Variants in IL18RAP observed in about 807,000 individuals in gnomAD.
IL18RAP encodes interleukin-18 receptor accessory protein.
IL18RAP carries 37 observed loss-of-function variants against 58.1 expected under a neutral mutation model. That is an observed-to-expected ratio of 0.64 (90% confidence interval 0.49 to 0.84). IL18RAP has a LOEUF of 0.84. Among genes scored for constraint, IL18RAP ranks in the 40% least tolerant of loss-of-function variants. The pLI is 0.00. For missense variants in IL18RAP, 667 were observed against 704.8 expected, an observed-to-expected ratio of 0.95 and a Z score of 0.61; for synonymous variants, 268 against 257.5, an observed-to-expected ratio of 1.04 and a Z score of -0.39.
rs910901699 is a variant in IL18RAP, at chr2:102,443,247, G to A, written c.844G>A (p.Val282Ile). The A allele has an allele frequency of 6.8e-6, 11 of 1,613,726 alleles. No homozygotes were observed. Among genetic ancestry groups the A allele is most frequent in the Non-Finnish European group, 1.7e-6 (2 of 1,179,896 alleles). Reference sequence around the variant, plus strand: ...CAAAGCACGATTTGGCTTTGAAAGGGTCTTTAACCCTGTCATAAAATGGTA... The same window carrying A: ...CAAAGCACGATTTGGCTTTGAAAGGATCTTTAACCCTGTCATAAAATGGTA... Reference protein sequence around the residue: ...SCKARFGFERVFNPVIKWYIK... With the variant: ...SCKARFGFERIFNPVIKWYIK... The change falls in exon 6 of 10, where the codon GTC becomes ATC. Residue 282 changes from valine (V) to isoleucine (I), a missense_variant. Physicochemically the swap from Val to Ile is conservative, Grantham distance 29 (BLOSUM62 3). Coordinates refer to ENST00000687160, the MANE Select transcript of IL18RAP (RefSeq NM_001393487.1).
Position 102,423,332 on chromosome 2 carries a change from G to T in IL18RAP, c.55G>T (p.Gly19Ter). 1 of 1,613,978 alleles carries T rather than the reference G, an allele frequency of 6.2e-7. No individual in the cohort carries two copies. The highest frequency in any genetic ancestry group is 8.5e-7 in the Non-Finnish European group (1 of 1,179,852). Reference sequence around the variant, plus strand: ...GCTTGTTGCAGGAGAGCGAATTAAAGGATTTAATATTTCAGGTAGGGGTTT... The same window carrying T: ...GCTTGTTGCAGGAGAGCGAATTAAATGATTTAATATTTCAGGTAGGGGTTT... Reference protein sequence around the residue: ...LWLVAGERIKGFNISGCSTKK... With the variant: ...LWLVAGERIK Residue 19 changes from glycine to a stop codon, truncating the protein, a stop_gained, in exon 1 of 10, where the codon GGA (glycine) becomes TGA (stop). Coordinates refer to ENST00000687160, the MANE Select transcript of IL18RAP (RefSeq NM_001393487.1). LOFTEE classifies it high-confidence loss of function.
chr2:102,432,628 G>A (rs1220350318), intron 3 of IL18RAP, among the ~76,000 whole-genome samples: 2 of 152,124 alleles, frequency 1.3e-5, no homozygotes, highest in East Asian at 3.9e-4. Context: ...ATAGCCTTAG[G>A]CAGGGCATTG....
intron 3 of IL18RAP, among the ~76,000 whole-genome samples, chr2:102,429,642 A>G (rs1413836866): frequency 2.0e-5 from 3 of 151,492 alleles, no homozygotes; most frequent in Non-Finnish European, 3.0e-5. Flanking sequence ...TTTTTCTAAC[A>G]TCTTTCTGTG....
rs151217762 is a variant in IL18RAP, at chr2:102,447,922, C to T, written c.1210+715C>T. 2.0e-3 allele frequency among the ~76,000 whole-genome samples: 301 copies of T among 152,094 alleles called. 2 individuals are homozygous for T. Among genetic ancestry groups the T allele is most frequent in the African/African-American group, 6.9e-3 (288 of 41,474 alleles). On this transcript the variant is annotated intron_variant, in intron 8 of 9. Transcript: ENST00000687160. ...TTGTTTGTGTTTTTAGTAGAGACTG[C>T]TGGGTTTCACCATGTTGGCCAGGCT...
At chr2:102,435,623 T>C (rs1415585159) in intron 3 of IL18RAP, among the ~76,000 whole-genome samples, 1 of 152,126 alleles carries the variant, frequency 6.6e-6, no homozygotes, top group Non-Finnish European at 1.5e-5. Context: ...GACTGGGTAG[T>C]GGAAGTCCAG....
In IL18RAP at chr2:102,441,389, C is replaced by A; in HGVS notation, c.796+12C>A. 1 of 1,608,958 alleles carries A rather than the reference C, an allele frequency of 6.2e-7. No homozygotes were observed. The highest frequency in any genetic ancestry group is 8.5e-7 in the Non-Finnish European group (1 of 1,175,606). ...GGAAGTAGAACTTGGTAAGCTGGGC[C>A]TCATCGCCTTTGAATGACATCGTGC... On this transcript the variant is annotated intron_variant, in intron 5 of 9. Coordinates refer to ENST00000687160, the MANE Select transcript of IL18RAP (RefSeq NM_001393487.1).
intron 7 of IL18RAP, 143 bp downstream of exon 7, chr2:102,445,483 C>T: frequency 2.4e-6 from 2 of 818,798 alleles, no homozygotes; most frequent in Non-Finnish European, 3.8e-6. Flanking sequence ...CTGGTGTCAA[C>T]CCATTTAATA....
intron 7 of IL18RAP, among the ~76,000 whole-genome samples, chr2:102,445,732 G>A (rs2104375862): frequency 6.6e-6 from 1 of 152,132 alleles, no homozygotes; most frequent in Non-Finnish European, 1.5e-5. Context: ...GGACATGATG[G>A]ATTCATGTTC....
intron 3 of IL18RAP, among the ~76,000 whole-genome samples, chr2:102,428,379 GTT>G (rs57882228): frequency 1.8e-4 from 26 of 145,936 alleles, no homozygotes; most frequent in African/African-American, 3.0e-4. Context: ...CCTTTTGTTA[GTT>G]TTTTTTTTTT....
intron 4 of IL18RAP, 115 bp downstream of exon 4, chr2:102,437,477 A>T: frequency 1.0e-6 from 1 of 995,074 alleles, no homozygotes; most frequent in East Asian, 2.8e-5. Flanking sequence ...ATATACTTGT[A>T]ATCATGTAAA....
Position 102,445,262 on chromosome 2 carries a change from C to T in IL18RAP, c.994C>T (p.Arg332Cys), listed in dbSNP as rs1683344214. Residue 332 changes from arginine to cysteine, a missense_variant, in exon 7 of 10, where the codon CGC becomes TGC. Coordinates refer to ENST00000687160, the MANE Select transcript of IL18RAP (RefSeq NM_001393487.1). ...ILEKVTQRDL[R>C]RKFVCFVQNS... ...GGAAAAAGTCACTCAGCGTGATCTT[C>T]GCAGGAAGTTTGTTTGCTTTGTCCA... 4.3e-6 allele frequency: 7 copies of T among 1,614,106 alleles called. No individual in the cohort carries two copies. The highest frequency in any genetic ancestry group is 5.9e-6 in the Non-Finnish European group (7 of 1,179,972).
chr2:102,428,560 A>T (rs11694658), intron 3 of IL18RAP, among the ~76,000 whole-genome samples: 1 of 151,670 alleles, frequency 6.6e-6, no homozygotes, highest in East Asian at 1.9e-4. Context: ...TTGATTTTAC[A>T]TCCTGCAATT....
At chr2:102,435,181 T>C (rs1194959644) in intron 3 of IL18RAP, 1 of 152,166 alleles carries the variant, frequency 6.6e-6, no homozygotes, top group Non-Finnish European at 1.5e-5. Flanking sequence ...CTGAGAGTTC[T>C]TAAGTGGTTT....
chr2:102,438,267 G>C (rs915501747), intron 4 of IL18RAP, among the ~76,000 whole-genome samples: 1 of 152,152 alleles, frequency 6.6e-6, no homozygotes, highest in African/African-American at 2.4e-5. Context: ...GAAAACATAA[G>C]ACAGCCAGTC....
At position 102,452,082 on chromosome 2, in the gene IL18RAP, C is replaced by A. The variant is rs766620201; in HGVS notation, c.1701C>A (p.Phe567Leu). ...YHMPVKNSQG[F>L]TWNQLRITSR... ...TGCCTGTGAAAAACTCTCAGGGATT[C>A]ACGTGGAACCAGCTCAGAATTACCT... The change falls in exon 10 of 10, where the codon TTC becomes TTA. Residue 567 changes from phenylalanine to leucine, a missense_variant. By Grantham distance (22) the Phe-to-Leu change is conservative. Coordinates refer to ENST00000687160, the MANE Select transcript of IL18RAP (RefSeq NM_001393487.1). 1.2e-6 allele frequency: 2 copies of A among 1,613,984 alleles called. No individual in the cohort carries two copies. The highest frequency in any genetic ancestry group is 2.2e-5 in the South Asian group (2 of 91,080).
intron 3 of IL18RAP, among the ~76,000 whole-genome samples, chr2:102,436,190 C>G (rs750259158): frequency 5.3e-5 from 8 of 152,142 alleles, no homozygotes; most frequent in Non-Finnish European, 1.0e-4. Flanking sequence ...TATTCCCCAT[C>G]CTCCCCCTTG....
chr2:102,440,668 G>A (rs1378267864), intron 4 of IL18RAP, among the ~76,000 whole-genome samples: 1 of 152,040 alleles, frequency 6.6e-6, no homozygotes, highest in Non-Finnish European at 1.5e-5. Flanking sequence ...AAAAATACAG[G>A]ACTGAGATGG....
chr2:102,435,189 T>A (rs978837089), intron 3 of IL18RAP: 1 of 152,056 alleles, frequency 6.6e-6, no homozygotes, highest in East Asian at 1.9e-4. Flanking sequence ...TCTTAAGTGG[T>A]TTAATTAGGA....
At chr2:102,443,397 T>C in intron 6 of IL18RAP, 74 bp downstream of exon 6, 1 of 1,527,936 alleles carries the variant, frequency 6.5e-7, no homozygotes, top group Non-Finnish European at 8.8e-7. Flanking sequence ...ATGCCTAAAG[T>C]ATACAGTTGA....
Sources: allele counts gnomAD v4.1 joint callset (sites outside exome capture counted in the v4.1 genomes callset), GRCh38; gene constraint gnomAD v4.1.1; transcripts MANE v1.5; gene names NCBI Gene and HGNC (gene_info 2026-07-23, HGNC 2026-07-21).